The following CACNB2 variants were observed in gnomAD, a reference collection of about 807,000 sequenced individuals.
The protein encoded by CACNB2 is calcium voltage-gated channel auxiliary subunit beta 2, also known as voltage-dependent L-type calcium channel subunit beta-2.
In CACNB2, 42 loss-of-function variants were observed where a neutral mutation model predicts 73.3. That is an observed-to-expected ratio of 0.57 (90% CI 0.45 to 0.74). CACNB2 has a LOEUF of 0.74. Ranked by LOEUF, CACNB2 falls within the 30% of genes least tolerant of loss-of-function variation. The pLI is 0.00. For synonymous variants in CACNB2, 348 were observed against 310.3 expected (o/e 1.12, Z -1.28); for missense variants, 940 against 853.0 (o/e 1.10, Z -1.27).
intron 3 of CACNB2, among the ~76,000 whole-genome samples, chr10:18,487,485 G>T (rs1217957539): frequency 6.6e-6 from 1 of 152,170 alleles, no homozygotes; most frequent in Non-Finnish European, 1.5e-5. Flanking sequence ...TGGAGTCAGG[G>T]TGGGAAGGGA....
chr10:18,212,284 T>G lies in CACNB2; in HGVS notation c.213+61309T>G, dbSNP rs577408500. On this transcript the variant is annotated intron_variant, in intron 2 of 13. Coordinates refer to ENST00000324631, the MANE Select transcript of CACNB2 (RefSeq NM_201596.3). ...CCCACATTTTATGAACTCTTGGAAA[T>G]ATTTTACTTTCACCATTTTGTCAGT... Among the ~76,000 whole-genome samples, 9 of 152,314 alleles carry G rather than the reference T, an allele frequency of 5.9e-5. No homozygotes were observed. In the South Asian group the frequency reaches 1.2e-3, roughly 21 times the overall value.
chr10:18,170,896 A>T (rs997327367), intron 2 of CACNB2, among the ~76,000 whole-genome samples: 2 of 152,232 alleles, frequency 1.3e-5, no homozygotes, highest in Non-Finnish European at 2.9e-5. Flanking sequence ...AAATTAACAT[A>T]TTAAGATTTT....
intron 2 of CACNB2, among the ~76,000 whole-genome samples, chr10:18,249,488 A>C (rs1404795275): frequency 6.6e-6 from 1 of 152,148 alleles, no homozygotes; most frequent in Non-Finnish European, 1.5e-5. Context: ...GTGTCCACCC[A>C]CTGTATCAAA....
At chr10:18,268,979 C>T (rs769898171) in intron 2 of CACNB2, among the ~76,000 whole-genome samples, 4 of 151,946 alleles carry the variant, frequency 2.6e-5, no homozygotes, top group Admixed American at 2.6e-4. Flanking sequence ...GCTATGAGCT[C>T]CCAAATGTCC....
Position 18,480,021 on chromosome 10 carries a change from C to A in CACNB2, c.334-18334C>A, listed in dbSNP as rs370308171. Among the ~76,000 whole-genome samples the A allele has an allele frequency of 4.6e-5, 7 of 152,232 alleles. No homozygotes were observed. In the East Asian group the frequency reaches 7.7e-4, roughly 17 times the overall value. On this transcript the variant is annotated intron_variant, in intron 3 of 13. Transcript: ENST00000324631. ...GCTTTGAGTGACTCTGGGCTGTTTGCTAAAACTAATTTGTCCTCAAAGGAA... is the reference window on the plus strand; with the variant it reads ...GCTTTGAGTGACTCTGGGCTGTTTGATAAAACTAATTTGTCCTCAAAGGAA...
intron 3 of CACNB2, among the ~76,000 whole-genome samples, chr10:18,490,938 G>A (rs1355492148): frequency 6.6e-6 from 1 of 152,088 alleles, no homozygotes; most frequent in Non-Finnish European, 1.5e-5. Context: ...AGTTACATTT[G>A]GCCTTGGGAT....
chr10:18,439,874 G>A (rs930523235), intron 3 of CACNB2, among the ~76,000 whole-genome samples: 7 of 152,102 alleles, frequency 4.6e-5, no homozygotes, highest in South Asian at 2.1e-4. Context: ...AGCCCCTGCC[G>A]TCAGTAGGAT....
intron 2 of CACNB2, among the ~76,000 whole-genome samples, chr10:18,333,421 A>C (rs185012311): frequency 6.7e-6 from 1 of 150,030 alleles, no homozygotes; most frequent in African/African-American, 2.5e-5. Flanking sequence ...GCAATAGCTC[A>C]GTTGGAAATT....
intron 3 of CACNB2, among the ~76,000 whole-genome samples, chr10:18,406,291 A>G (rs1430130526): frequency 6.6e-6 from 1 of 152,120 alleles, no homozygotes; most frequent in Non-Finnish European, 1.5e-5. Flanking sequence ...AGGAAGAGAA[A>G]ATCCTTCTTG....
At chr10:18,354,290 C>T (rs1207617763) in intron 2 of CACNB2, among the ~76,000 whole-genome samples, 1 of 152,144 alleles carries the variant, frequency 6.6e-6, no homozygotes, top group Non-Finnish European at 1.5e-5. Flanking sequence ...GACTTGGGCC[C>T]TTAAACTGCT....
intron 2 of CACNB2, among the ~76,000 whole-genome samples, chr10:18,289,205 C>T (rs1168332679): frequency 1.3e-5 from 2 of 151,898 alleles, no homozygotes; most frequent in South Asian, 2.1e-4. Flanking sequence ...ACTGCCTCTA[C>T]CCCCGACCCC....
At chr10:18,350,371 G>A (rs146648100) in intron 2 of CACNB2, among the ~76,000 whole-genome samples, 1 of 152,196 alleles carries the variant, frequency 6.6e-6, no homozygotes, top group African/African-American at 2.4e-5. Context: ...TGTCACTAGC[G>A]TGGGGTCCCA....
intron 3 of CACNB2, among the ~76,000 whole-genome samples, chr10:18,407,387 G>T (rs377178021): frequency 1.3e-5 from 2 of 151,946 alleles, no homozygotes; most frequent in East Asian, 3.9e-4. Flanking sequence ...CTCCCAGAGT[G>T]CTAGGCTTAC....
chr10:18,272,007 C>T (rs1213762136), intron 2 of CACNB2, among the ~76,000 whole-genome samples: 2 of 152,022 alleles, frequency 1.3e-5, no homozygotes, highest in Non-Finnish European at 2.9e-5. Flanking sequence ...CCATCTCTTA[C>T]CATTTTTTTC....
chr10:18,345,237 C>T (rs2041401287), intron 2 of CACNB2, among the ~76,000 whole-genome samples: 2 of 152,130 alleles, frequency 1.3e-5, no homozygotes, highest in South Asian at 4.1e-4. Context: ...AAGTCCCTGG[C>T]TATGCTTTTG....
intron 2 of CACNB2, among the ~76,000 whole-genome samples, chr10:18,290,505 G>GA (rs1382055523): frequency 6.6e-6 from 1 of 151,980 alleles, no homozygotes; most frequent in Non-Finnish European, 1.5e-5. Context: ...CTCCCAGGAA[G>GA]AAAAAAACTC....
intron 2 of CACNB2, among the ~76,000 whole-genome samples, chr10:18,357,748 T>A (rs991624240): frequency 6.6e-6 from 1 of 152,186 alleles, no homozygotes; most frequent in Non-Finnish European, 1.5e-5. Context: ...GAGGTGCACA[T>A]CCATCTTATA....
intron 2 of CACNB2, among the ~76,000 whole-genome samples, chr10:18,178,109 C>T (rs190177623): frequency 1.3e-3 from 195 of 152,194 alleles, no homozygotes; most frequent in African/African-American, 4.5e-3. Flanking sequence ...TGAAGTTCTC[C>T]TTTTCTTGGC....
intron 3 of CACNB2, among the ~76,000 whole-genome samples, chr10:18,471,784 C>G (rs2048200911): frequency 6.6e-6 from 1 of 152,074 alleles, no homozygotes; most frequent in Admixed American, 6.6e-5. Flanking sequence ...TAAAAATGTC[C>G]TTTTATAATT....
Sources: allele counts gnomAD v4.1 joint callset (sites outside exome capture counted in the v4.1 genomes callset), GRCh38; gene constraint gnomAD v4.1.1; transcripts MANE v1.5; gene names NCBI Gene and HGNC (gene_info 2026-07-23, HGNC 2026-07-21).